The following PCDHGA9 variants were observed in gnomAD, a reference collection of about 807,000 sequenced individuals.
PCDHGA9 encodes protocadherin gamma subfamily A, 9.
In PCDHGA9, 37 loss-of-function variants were observed where a neutral mutation model predicts 62.5. The observed-to-expected ratio is 0.59, with a 90% CI of 0.46 to 0.78. PCDHGA9 has a LOEUF of 0.78. Among genes scored for constraint, PCDHGA9 ranks in the 30% least tolerant of loss-of-function variants. The pLI is 0.00. For missense variants in PCDHGA9, 1,138 were observed against 1,166.2 expected (o/e 0.98, Z 0.35); for synonymous variants, 459 against 484.6 (o/e 0.95, Z 0.69).
intron 1 of PCDHGA9, among the ~76,000 whole-genome samples, chr5:141,424,979 T>G (rs565208060): frequency 1.4e-4 from 22 of 152,322 alleles, no homozygotes; most frequent in African/African-American, 4.6e-4. Flanking sequence ...CTTGGATATT[T>G]ATGTTCCCTT....
At position 141,487,667 on chromosome 5, in the gene PCDHGA9, ATATGGCTAGGCCATG is replaced by A; in HGVS notation, c.2425-7138_2425-7124del. 1.9e-6 allele frequency: 3 copies of A among 1,612,782 alleles called. No individual in the cohort carries two copies. In the South Asian group the frequency reaches 3.3e-5, roughly 18 times the overall value. ...GCTTGAGGGTTATTCTGATCCAGGC[ATATGGCTAGGCCATG>A]TCCTAGAGAGTACTGGCCTCTCAGT... On this transcript the variant is annotated intron_variant, in intron 1 of 3. Transcript: ENST00000573521. The surrounding 1 kb of genome is among the most constrained non-coding windows in gnomAD (Gnocchi z 5.0).
chr5:141,419,275 G>T (rs777238100), intron 1 of PCDHGA9: 35 of 1,613,856 alleles, frequency 2.2e-5, no homozygotes, highest in Non-Finnish European at 2.9e-5. Flanking sequence ...CCTCCATAGC[G>T]CAAGTCAGTG....
Position 141,415,740 on chromosome 5 carries a change from GTTTTTTTTTTTTTTTT to G in PCDHGA9, c.2424+10381_2424+10396del, listed in dbSNP as rs57426385. 54 of 625,040 alleles carry G rather than the reference GTTTTTTTTTTTTTTTT, an allele frequency of 8.6e-5. 1 individual carries two copies. The East Asian group carries it at 1.4e-3, about 16-fold the overall frequency. The allele number at this position is 625,040 out of a possible 1,614,324, so 38.7% of individuals were successfully genotyped here. ...TGAGTAGAATTTGATGTTTATTAAG[GTTTTTTTTTTTTTTTT>G]TTTTTTTTTTTTTTTTACTTTCTGG... On this transcript the variant is annotated intron_variant, in intron 1 of 3. Transcript: ENST00000573521.
chr5:141,511,118 C>T lies in PCDHGA9; in HGVS notation c.2744C>T (p.Ala915Val), dbSNP rs1352222210. 1.2e-6 allele frequency: 2 copies of T among 1,614,094 alleles called. No individual in the cohort carries two copies. The highest frequency in any genetic ancestry group is 1.7e-6 in the Non-Finnish European group (2 of 1,180,022). The change falls in exon 4 of 4, where the codon GCC (alanine) becomes GTC (valine). Residue 915 changes from alanine to valine, a missense_variant. Coordinates refer to ENST00000573521, the MANE Select transcript of PCDHGA9 (RefSeq NM_018921.3). ...GCAGCTGGCAAGCGGGATGGCAAGG[C>T]CCCAGCAGGTGGCAATGGCAACAAG... is the stretch of plus-strand genomic sequence containing the variant. ...TNAAGKRDGK[A>V]PAGGNGNKKK... is the part of the protein sequence containing the mutation.
At chr5:141,408,917 C>T (rs549266523) in intron 1 of PCDHGA9, 2 of 1,613,248 alleles carry the variant, frequency 1.2e-6, no homozygotes, top group Non-Finnish European at 8.5e-7. Context: ...CAATGATAAC[C>T]CCCCGGTTTT....
At chr5:141,423,549 C>T (rs748764057) in intron 1 of PCDHGA9, 113 of 1,613,568 alleles carry the variant, frequency 7.0e-5, no homozygotes, top group Non-Finnish European at 8.7e-5. Flanking sequence ...TCCCCCAGCC[C>T]AACTATGGGG....
At position 141,423,606 on chromosome 5, in the gene PCDHGA9, G is replaced by A. The variant is rs945897368; in HGVS notation, c.2424+18230G>A. 9 of 1,612,046 alleles carry A rather than the reference G, an allele frequency of 5.6e-6. No individual in the cohort carries two copies. In the Admixed American group the frequency reaches 1.0e-4, roughly 18 times the overall value. On this transcript the variant is annotated intron_variant, in intron 1 of 3. Transcript: ENST00000573521. ...GCTGTGAGAAAAGCGAGCCACTCTT[G>A]ATAGCTGAAGACTCAGCTATCATTT...
intron 1 of PCDHGA9, among the ~76,000 whole-genome samples, chr5:141,446,610 G>A (rs1167777615): frequency 6.6e-6 from 1 of 152,098 alleles, no homozygotes; most frequent in Non-Finnish European, 1.5e-5. Flanking sequence ...CTGAGTAGCT[G>A]GGACTACAGG....
chr5:141,506,516 G>A (rs2099854579), intron 3 of PCDHGA9, among the ~76,000 whole-genome samples: 1 of 151,324 alleles, frequency 6.6e-6, no homozygotes, highest in Non-Finnish European at 1.5e-5. Flanking sequence ...CTGGCACCTG[G>A]CACCACCACT....
chr5:141,426,887 G>A (rs1309180455), intron 1 of PCDHGA9: 1 of 456,646 alleles, frequency 2.2e-6, no homozygotes, highest in Non-Finnish European at 4.4e-6. Context: ...TGGGCCAGGA[G>A]CAACAGAGCT....
At chr5:141,458,615 G>A (rs2098949624) in intron 1 of PCDHGA9, among the ~76,000 whole-genome samples, 1 of 152,088 alleles carries the variant, frequency 6.6e-6, no homozygotes, top group Admixed American at 6.6e-5. Flanking sequence ...TGTCAGCCAG[G>A]CTGGAGTGCA....
intron 1 of PCDHGA9, among the ~76,000 whole-genome samples, chr5:141,425,919 G>A (rs11167745): frequency 2.0e-5 from 3 of 152,174 alleles, no homozygotes; most frequent in East Asian, 1.9e-4. Flanking sequence ...CAGTCACTAC[G>A]AAAACTCATA....
chr5:141,456,042 C>T (rs1437027249), intron 1 of PCDHGA9, among the ~76,000 whole-genome samples: 3 of 151,886 alleles, frequency 2.0e-5, no homozygotes, highest in Non-Finnish European at 2.9e-5. Flanking sequence ...GGACTACAGG[C>T]GCCCACCACC....
chr5:141,417,659 A>G, intron 1 of PCDHGA9: 1 of 869,514 alleles, frequency 1.2e-6, no homozygotes, highest in Non-Finnish European at 1.7e-6. Context: ...CTAGCCTGGG[A>G]TTCCCTGCGC....
rs767577725 is a variant in PCDHGA9 at position 141,485,642 on chromosome 5, G to T, written c.2425-9165G>T. 4.3e-6 allele frequency: 7 copies of T among 1,612,162 alleles called. No homozygotes were observed. The highest frequency in any genetic ancestry group is 1.7e-5 in the Admixed American group (1 of 59,938). ...AGGACAGCGTTTCCCGTTGGAAAAGGCTCAGGATGCAGATGTGGGGAGCAA... is the reference window on the plus strand; with the variant it reads ...AGGACAGCGTTTCCCGTTGGAAAAGTCTCAGGATGCAGATGTGGGGAGCAA... On this transcript the variant is annotated intron_variant, in intron 1 of 3. Coordinates refer to ENST00000573521, the MANE Select transcript of PCDHGA9 (RefSeq NM_018921.3). This position sits in a 1 kb window ranked among gnomAD's most constrained non-coding sequence, Gnocchi z 5.7.
intron 1 of PCDHGA9, chr5:141,430,643 T>C (rs1432236231): frequency 2.1e-6 from 2 of 947,068 alleles, no homozygotes; most frequent in Non-Finnish European, 3.0e-6. Context: ...CCTGGGAGTA[T>C]GTGGAAACAA....
At chr5:141,429,945 T>C (rs1443623730) in intron 1 of PCDHGA9, among the ~76,000 whole-genome samples, 1 of 152,222 alleles carries the variant, frequency 6.6e-6, no homozygotes, top group East Asian at 1.9e-4. Flanking sequence ...ACTTCCATTA[T>C]TTCCAGTCAA....
intron 1 of PCDHGA9, among the ~76,000 whole-genome samples, chr5:141,447,744 T>G (rs1020767891): frequency 3.4e-4 from 51 of 152,206 alleles, no homozygotes; most frequent in African/African-American, 1.2e-3. Context: ...CTTAAGAGTC[T>G]TGCATGTGAC....
chr5:141,490,585 G>C lies in PCDHGA9; in HGVS notation c.2425-4222G>C. On this transcript the variant is annotated intron_variant, in intron 1 of 3. Transcript: ENST00000573521. The surrounding 1 kb of genome is among the most constrained non-coding windows in gnomAD (Gnocchi z 5.4). Reference sequence around the variant, plus strand: ...CAGGCTCAACATTTCAGATGTCAATGACAATGCACCCCGCTTCAACCAGCA... The same window carrying C: ...CAGGCTCAACATTTCAGATGTCAATCACAATGCACCCCGCTTCAACCAGCA... The C allele has an allele frequency of 6.2e-7, 1 of 1,614,142 alleles. No homozygotes were observed. Among genetic ancestry groups the C allele is most frequent in the South Asian group, 1.1e-5 (1 of 91,078 alleles).
Sources: allele counts gnomAD v4.1 joint callset (sites outside exome capture counted in the v4.1 genomes callset), GRCh38; gene constraint gnomAD v4.1.1; non-coding constraint Gnocchi (gnomAD v3.1); transcripts MANE v1.5; gene names NCBI Gene and HGNC (gene_info 2026-07-23, HGNC 2026-07-21).